The following ABHD2 variants were observed in gnomAD, a reference collection of about 807,000 sequenced individuals.
The protein encoded by ABHD2 is abhydrolase domain containing 2, acylglycerol lipase.
A neutral mutation model predicts 48.1 loss-of-function variants in ABHD2; 20 were observed. The ratio of observed to expected loss-of-function variants is 0.42; its 90% CI spans 0.29 to 0.60. The LOEUF is 0.60. Among genes scored for constraint, ABHD2 ranks in the 20% least tolerant of loss-of-function variants. ABHD2 has a pLI of 0.24. For synonymous variants in ABHD2, 209 were observed against 214.2 expected, an observed-to-expected ratio of 0.98 and a Z score of 0.21; for missense variants, 405 against 550.9, an observed-to-expected ratio of 0.74 and a Z score of 2.65.
At position 89,185,633 on chromosome 15, in the gene ABHD2, G is replaced by T. The variant is rs1596158688; in HGVS notation, c.815+117G>T. On this transcript the variant is annotated intron_variant, in intron 7 of 10. Coordinates refer to ENST00000352732, the MANE Select transcript of ABHD2 (RefSeq NM_152924.5). The surrounding 1 kb of genome is among the most constrained non-coding windows in gnomAD (Gnocchi z 5.9). ...GGGGAAAAAAAAAAATGCAGGTGTGGTACAGACTCTCTGCTGCCTGCATTT... is the reference window on the plus strand; with the variant it reads ...GGGGAAAAAAAAAAATGCAGGTGTGTTACAGACTCTCTGCTGCCTGCATTT... The T allele has an allele frequency of 2.2e-6, 2 of 889,268 alleles. No homozygotes were observed. Among genetic ancestry groups the T allele is most frequent in the Non-Finnish European group, 1.8e-6 (1 of 568,430 alleles). The allele number at this position is 889,268 out of a possible 1,614,324, so 55.1% of individuals were successfully genotyped here.
At chr15:89,130,575 T>C (rs960071401) in intron 3 of ABHD2, among the ~76,000 whole-genome samples, 1 of 152,282 alleles carries the variant, frequency 6.6e-6, no homozygotes, top group East Asian at 1.9e-4. Context: ...AAACCATGGC[T>C]TTAGGCTGCT....
chr15:89,188,063 G>A lies in ABHD2; in HGVS notation c.816-130G>A, dbSNP rs1006088931. ...AGCTCATCCTCTGGGACATTCCAAA[G>A]GCTAAAGGTTCTATTTCTAACTGAC... On this transcript the variant is annotated intron_variant, in intron 7 of 10. Transcript: ENST00000352732. The surrounding 1 kb of genome is among the most constrained non-coding windows in gnomAD (Gnocchi z 4.1). 5.8e-6 allele frequency: 4 copies of A among 685,984 alleles called. No homozygotes were observed. The highest frequency in any genetic ancestry group is 2.5e-5 in the Admixed American group (1 of 40,034). 42.5% of individuals were successfully genotyped at this position (685,984 alleles called of 1,614,324 possible).
At chr15:89,081,165 A>T in the ABHD2 span, among the ~76,000 whole-genome samples, 1 of 136,438 alleles carries the variant, frequency 7.3e-6, no homozygotes, top group African/African-American at 3.1e-5. Flanking sequence ...ATGCCCAGCT[A>T]ATTTTTTTTT....
intron 3 of ABHD2, among the ~76,000 whole-genome samples, chr15:89,149,954 C>T (rs2050564649): frequency 6.6e-6 from 1 of 152,056 alleles, no homozygotes. Flanking sequence ...GCTTGGAGGC[C>T]GCTTGGGGGG....
rs1174327100 is a variant in ABHD2 at position 89,099,686 on chromosome 15, G to T, written c.-107+11123G>T. On this transcript the variant is annotated intron_variant, in intron 1 of 10. Transcript: ENST00000352732. Reference sequence around the variant, plus strand: ...TGTAATCCCAGCACTTTGGGAGGCCGAGGTAAGTGGATCACTTGAGGCCAG... The same window carrying T: ...TGTAATCCCAGCACTTTGGGAGGCCTAGGTAAGTGGATCACTTGAGGCCAG... Among the ~76,000 whole-genome samples, 10 of 151,692 alleles carry T rather than the reference G, an allele frequency of 6.6e-5. No individual in the cohort carries two copies. The South Asian group carries it at 1.3e-3, about 19-fold the overall frequency.
chr15:89,153,691 T>C (rs1041400433), intron 4 of ABHD2, among the ~76,000 whole-genome samples: 4 of 152,256 alleles, frequency 2.6e-5, no homozygotes, highest in Non-Finnish European at 4.4e-5. Context: ...TCTGATTTTT[T>C]TTCTGACTAT....
chr15:89,081,963 C>T, the ABHD2 span, among the ~76,000 whole-genome samples: 3 of 152,186 alleles, frequency 2.0e-5, no homozygotes, highest in Admixed American at 6.5e-5. Context: ...ATTATTGCTT[C>T]GGCCCACAAG....
rs987838749 is a variant in ABHD2 at position 89,173,210 on chromosome 15, T to C, written c.539-2602T>C. Among the ~76,000 whole-genome samples the C allele has an allele frequency of 6.6e-6, 1 of 152,240 alleles. No individual in the cohort carries two copies. Among genetic ancestry groups the C allele is most frequent in the Non-Finnish European group, 1.5e-5 (1 of 68,036 alleles). On this transcript the variant is annotated intron_variant, in intron 5 of 10. Coordinates refer to ENST00000352732, the MANE Select transcript of ABHD2 (RefSeq NM_152924.5). This position sits in a 1 kb window ranked among gnomAD's most constrained non-coding sequence, Gnocchi z 6.5. ...GTTTGTTTGCACATCCCCTTTTTTA[T>C]ATCACAGCTACATTTTGAAATCCAG...
At chr15:89,115,042 T>A (rs2049933301) in intron 2 of ABHD2, among the ~76,000 whole-genome samples, 1 of 152,178 alleles carries the variant, frequency 6.6e-6, no homozygotes, top group Admixed American at 6.5e-5. Flanking sequence ...GGACTTACTG[T>A]AGGTCTTAGG....
chr15:89,133,834 AT>A (rs71464448), intron 3 of ABHD2, among the ~76,000 whole-genome samples: 11,144 of 123,630 alleles, frequency 0.09, 316 homozygotes, highest in South Asian at 0.15. Flanking sequence ...GCCATGCATA[AT>A]TTTTTTTTTT....
rs1300451562 is a variant in ABHD2, at chr15:89,151,114, T to C, written c.195-563T>C. ...ACACTGCACTGCCCTTACAGCATAT[T>C]CTCTGGAGCATAGAGTAGTGCCCTC... On this transcript the variant is annotated intron_variant, in intron 3 of 10. Coordinates refer to ENST00000352732, the MANE Select transcript of ABHD2 (RefSeq NM_152924.5). This position sits in a 1 kb window ranked among gnomAD's most constrained non-coding sequence, Gnocchi z 4.7. 5.3e-5 allele frequency among the ~76,000 whole-genome samples: 8 copies of C among 152,228 alleles called. No individual in the cohort carries two copies.
Position 89,116,509 on chromosome 15 carries a change from T to C in ABHD2, c.182T>C (p.Leu61Pro). ...LSRFLLKSCP[L>P]LTKEYIPPLI... ...CGCTTTCTGCTCAAGTCCTGTCCTCTTCTGACCAAAGAGTGAGTAGACCTC... is the reference window on the plus strand; with the variant it reads ...CGCTTTCTGCTCAAGTCCTGTCCTCCTCTGACCAAAGAGTGAGTAGACCTC... The change falls in exon 3 of 11, where the codon CTT (leucine) becomes CCT (proline). Residue 61 changes from leucine to proline, a missense_variant. Coordinates refer to ENST00000352732, the MANE Select transcript of ABHD2 (RefSeq NM_152924.5). The surrounding 1 kb of genome is among the most constrained non-coding windows in gnomAD (Gnocchi z 4.6). 4 of 1,613,864 alleles carry C rather than the reference T, an allele frequency of 2.5e-6. No individual in the cohort carries two copies. Among genetic ancestry groups the C allele is most frequent in the Non-Finnish European group, 3.4e-6 (4 of 1,179,800 alleles).
At chr15:89,048,816 T>C in the ABHD2 span, among the ~76,000 whole-genome samples, 3 of 151,770 alleles carry the variant, frequency 2.0e-5, no homozygotes, top group Admixed American at 2.0e-4. Flanking sequence ...TTTTTCAAAG[T>C]TTTCAACTTC....
intron 5 of ABHD2, among the ~76,000 whole-genome samples, chr15:89,156,720 T>TG (rs1555431124): frequency 1.7e-5 from 2 of 120,024 alleles, no homozygotes; most frequent in Non-Finnish European, 3.4e-5. Flanking sequence ...AGACTCTGTC[T>TG]GAAAAAAAAA....
the ABHD2 span, chr15:89,041,239 T>C: frequency 2.0e-5 from 3 of 152,216 alleles, no homozygotes; most frequent in Non-Finnish European, 4.4e-5. Context: ...GCTGATGCCA[T>C]GTGGAACAGA....
chr15:89,142,089 G>A (rs8042994), intron 3 of ABHD2, among the ~76,000 whole-genome samples: 12,094 of 152,220 alleles, frequency 0.079, 533 homozygotes, highest in African/African-American at 0.1. Context: ...AGCCCTGGAC[G>A]CAGTGGCCAA....
chr15:89,200,158 T>TA lies in ABHD2; in HGVS notation c.*4737dup, dbSNP rs2150963443. The TA allele has an allele frequency of 6.6e-6, 1 of 152,314 alleles. No homozygotes were observed. The highest frequency in any genetic ancestry group is 2.1e-4 in the South Asian group (1 of 4,822). 9.4% of individuals were successfully genotyped at this position (152,314 alleles called of 1,614,324 possible). A position where few individuals can be genotyped will look rare whatever the true frequency, so the allele number is the denominator to read the frequency against. On this transcript the variant is annotated 3_prime_UTR_variant, in exon 11 of 11. Coordinates refer to ENST00000352732, the MANE Select transcript of ABHD2 (RefSeq NM_152924.5). ...AATAAGCTGAAATTAGTTTTTTTTT[T>TA]AATTCTCCAATTTAAAACTTTTAAT...
At chr15:89,044,337 T>C in the ABHD2 span, among the ~76,000 whole-genome samples, 1 of 152,240 alleles carries the variant, frequency 6.6e-6, no homozygotes, top group Non-Finnish European at 1.5e-5. Flanking sequence ...AAGTCTTTGC[T>C]ATTGTGAATA....
In ABHD2 at chr15:89,167,258, A is replaced by G. The variant is rs902094902; in HGVS notation, c.539-8554A>G. 5.3e-5 allele frequency among the ~76,000 whole-genome samples: 8 copies of G among 151,962 alleles called. No homozygotes were observed. The highest frequency in any genetic ancestry group is 8.8e-5 in the Non-Finnish European group (6 of 67,972). ...TACCATTTTCATTGGTGTAGACTCA[A>G]TTTTGAATTGTATTCATAGTTATGA... On this transcript the variant is annotated intron_variant, in intron 5 of 10. Coordinates refer to ENST00000352732, the MANE Select transcript of ABHD2 (RefSeq NM_152924.5). The surrounding 1 kb of genome is among the most constrained non-coding windows in gnomAD (Gnocchi z 5.5).
Sources: allele counts gnomAD v4.1 joint callset (sites outside exome capture counted in the v4.1 genomes callset), GRCh38; gene constraint gnomAD v4.1.1; non-coding constraint Gnocchi (gnomAD v3.1); transcripts MANE v1.5; gene names NCBI Gene and HGNC (gene_info 2026-07-23, HGNC 2026-07-21).